Variants in C3orf70 observed in about 807,000 individuals in gnomAD.
C3orf70 encodes chromosome 3 open reading frame 70, also known as UPF0524 protein C3orf70.
C3orf70 carries 15 observed loss-of-function variants against 20.7 expected under a neutral mutation model. The ratio of observed to expected loss-of-function variants is 0.72; its 90% confidence interval spans 0.48 to 1.11. The LOEUF is 1.11. C3orf70 is among the 50% of genes most tolerant of loss of function. The pLI is 0.00. For missense variants in C3orf70, 332 were observed against 317.6 expected (o/e 1.05, Z -0.34); for synonymous variants, 161 against 125.7 (o/e 1.28, Z -1.88).
intron 1 of C3orf70, among the ~76,000 whole-genome samples, chr3:185,138,256 C>T (rs143617517): frequency 0.017 from 2,551 of 151,972 alleles, 40 homozygotes; most frequent in East Asian, 0.093. Flanking sequence ...TTTTTAAACT[C>T]AAAAACAACA....
chr3:185,095,100 T>G (rs1417798125), intron 1 of C3orf70, among the ~76,000 whole-genome samples: 3 of 152,224 alleles, frequency 2.0e-5, no homozygotes, highest in African/African-American at 7.2e-5. Context: ...TAAAGATGGT[T>G]CTTAATGTCT....
chr3:185,152,567 G>C, intron 1 of C3orf70, 61 bp downstream of exon 1: 2 of 1,460,310 alleles, frequency 1.4e-6, no homozygotes, highest in Non-Finnish European at 1.8e-6. Flanking sequence ...AGCGACCCCG[G>C]ACGGCCCGGC....
intron 1 of C3orf70, among the ~76,000 whole-genome samples, chr3:185,105,535 C>G (rs1715916040): frequency 6.6e-6 from 1 of 152,230 alleles, no homozygotes; most frequent in Admixed American, 6.5e-5. Flanking sequence ...TCTACAGAAA[C>G]AATGCTAATG....
chr3:185,116,688 G>A (rs1399537173), intron 1 of C3orf70, among the ~76,000 whole-genome samples: 2 of 152,112 alleles, frequency 1.3e-5, no homozygotes, highest in African/African-American at 4.8e-5. Flanking sequence ...GCAAAGGTAT[G>A]TATCTATTGA....
At chr3:185,133,272 T>C (rs1382271976) in intron 1 of C3orf70, among the ~76,000 whole-genome samples, 1 of 152,220 alleles carries the variant, frequency 6.6e-6, no homozygotes, top group Non-Finnish European at 1.5e-5. Context: ...CAATATCTAA[T>C]AAAACTACAG....
chr3:185,126,144 G>A (rs559611576), intron 1 of C3orf70, among the ~76,000 whole-genome samples: 7 of 152,060 alleles, frequency 4.6e-5, no homozygotes, highest in Admixed American at 4.6e-4. Flanking sequence ...ATGATAAATC[G>A]CTAACAATTC....
At position 185,078,140 on chromosome 3, in the gene C3orf70, G is replaced by A. The variant is rs187320292; in HGVS notation, c.*4867C>T. On this transcript the variant is annotated 3_prime_UTR_variant, in exon 2 of 2. Coordinates refer to ENST00000335012, the MANE Select transcript of C3orf70 (RefSeq NM_001025266.3). ...CATATCAAGGAAAGTTGAGCTGTCT[G>A]TAGGAAAACAATATAATTTTAGGAA... The A allele has an allele frequency of 2.8e-4, 43 of 152,732 alleles. No individual in the cohort carries two copies. The highest frequency in any genetic ancestry group is 1.0e-3 in the African/African-American group (42 of 41,558). The allele number at this position is 152,732 out of a possible 1,614,324, so 9.5% of individuals were successfully genotyped here.
At position 185,152,748 on chromosome 3, in the gene C3orf70, G is replaced by A; in HGVS notation, c.76C>T (p.Arg26Trp). The stretch of plus-strand genomic sequence containing the variant: ...TCGGGTCTGCGGGCGGCGCAACTCC[G>A]CGCCAGGGCCTGAGCCTCATCTAGT... ...EKLDEAQALA[R>W]SCAARRPDFQ... The change falls in exon 1 of 2, where the codon CGG becomes TGG. Residue 26 changes from arginine to tryptophan, a missense_variant. Physicochemically the swap from Arg to Trp is moderately radical, Grantham distance 101. Coordinates refer to ENST00000335012, the MANE Select transcript of C3orf70 (RefSeq NM_001025266.3). 6.3e-7 allele frequency: 1 copy of A among 1,594,344 alleles called. No homozygotes were observed. Among genetic ancestry groups the A allele is most frequent in the Non-Finnish European group, 8.5e-7 (1 of 1,171,130 alleles).
At chr3:185,133,509 G>A (rs1379723290) in intron 1 of C3orf70, among the ~76,000 whole-genome samples, 6 of 152,144 alleles carry the variant, frequency 3.9e-5, no homozygotes, top group Admixed American at 2.0e-4. Context: ...TTGGGAGGCC[G>A]AGGCAGGCGG....
intron 1 of C3orf70, among the ~76,000 whole-genome samples, chr3:185,136,624 TGAGGCAGGAGAATGGCGTGAACCCGG>T (rs977365787): frequency 2.6e-5 from 4 of 152,118 alleles, no homozygotes; most frequent in Admixed American, 2.6e-4. Context: ...CTCGGGAGGC[TGAGGCAGGAGAATGGCGTGAACCCGG>T]GAGGCGGAGC....
chr3:185,090,983 G>C (rs893487250), intron 1 of C3orf70, among the ~76,000 whole-genome samples: 3 of 152,076 alleles, frequency 2.0e-5, no homozygotes, highest in Admixed American at 6.6e-5. Flanking sequence ...TAGTGAGACA[G>C]ACCACCAGAC....
At chr3:185,089,962 C>T (rs2108587936) in intron 1 of C3orf70, among the ~76,000 whole-genome samples, 1 of 152,282 alleles carries the variant, frequency 6.6e-6, no homozygotes. Context: ...CAATGAAACA[C>T]TAACAAAGAT....
intron 1 of C3orf70, among the ~76,000 whole-genome samples, chr3:185,130,264 C>T (rs1422474034): frequency 2.0e-5 from 3 of 152,082 alleles, no homozygotes; most frequent in Non-Finnish European, 4.4e-5. Context: ...TCCTGGCTAA[C>T]ACAGTGAAAC....
At chr3:185,085,040 C>T (rs893537415) in intron 1 of C3orf70, among the ~76,000 whole-genome samples, 3 of 152,110 alleles carry the variant, frequency 2.0e-5, no homozygotes, top group African/African-American at 2.4e-5. Context: ...GCAGCATCCT[C>T]GGCCTCTCCC....
At chr3:185,083,604 A>C in intron 1 of C3orf70, 41 bp from the exon 2 acceptor site, 1 of 1,491,040 alleles carries the variant, frequency 6.7e-7, no homozygotes, top group Non-Finnish European at 9.0e-7. Context: ...TATATTACAC[A>C]AACTATATTA....
rs748785029 is a variant in C3orf70 at position 185,083,441 on chromosome 3, T to G, written c.319A>C (p.Lys107Gln). ...ISVSLTEHFL[K>Q]FASVFQPPLP... The stretch of plus-strand genomic sequence containing the variant: ...GGAGGCTGGAAGACAGATGCAAATT[T>G]CAAAAAGTGTTCGGTGAGCGAGACT... The change falls in exon 2 of 2, where the codon AAA becomes CAA. Residue 107 changes from lysine to glutamine, a missense_variant. Coordinates refer to ENST00000335012, the MANE Select transcript of C3orf70 (RefSeq NM_001025266.3). 6.2e-7 allele frequency: 1 copy of G among 1,613,992 alleles called. No homozygotes were observed. The highest frequency in any genetic ancestry group is 1.3e-5 in the African/African-American group (1 of 74,896).
At chr3:185,109,939 C>T (rs1191733360) in intron 1 of C3orf70, among the ~76,000 whole-genome samples, 1 of 152,168 alleles carries the variant, frequency 6.6e-6, no homozygotes, top group Non-Finnish European at 1.5e-5. Context: ...CCTATGGAAT[C>T]ATTATTAATT....
At chr3:185,144,345 A>T (rs751270470) in intron 1 of C3orf70, among the ~76,000 whole-genome samples, 29 of 152,238 alleles carry the variant, frequency 1.9e-4, no homozygotes, top group Admixed American at 4.6e-4. Flanking sequence ...GTCTGACTCC[A>T]GTGCCTGCCA....
At chr3:185,133,718 T>C (rs1716567078) in intron 1 of C3orf70, among the ~76,000 whole-genome samples, 1 of 152,324 alleles carries the variant, frequency 6.6e-6, no homozygotes, top group East Asian at 1.9e-4. Context: ...CACTGCAGCC[T>C]GGGTGACAGA....
Sources: gnomAD v4.1 joint callset for allele counts (sites outside exome capture counted in the v4.1 genomes callset) on GRCh38, gnomAD v4.1.1 for gene constraint, MANE v1.5 for transcripts, NCBI Gene and HGNC (gene_info 2026-07-23, HGNC 2026-07-21) for gene names.